The following FYTTD1 variants were observed in gnomAD, a reference collection of about 807,000 sequenced individuals.
FYTTD1 encodes the protein forty-two-three domain containing 1, also known as UAP56-interacting factor.
Under a neutral mutation model 40.9 loss-of-function variants are expected in FYTTD1, and 22 were observed. That is an observed-to-expected ratio of 0.54 (90% CI 0.38 to 0.77). FYTTD1 has a LOEUF of 0.77. FYTTD1 is among the 30% of genes least tolerant of loss of function. FYTTD1 has a pLI of 0.00. For missense variants in FYTTD1, 351 were observed against 392.2 expected (o/e 0.90, Z 0.89); for synonymous variants, 140 against 137.9 (o/e 1.01, Z -0.10).
intron 2 of FYTTD1, among the ~76,000 whole-genome samples, chr3:197,768,214 CAT>C (rs1387569131): frequency 6.6e-6 from 1 of 152,176 alleles, no homozygotes; most frequent in Non-Finnish European, 1.5e-5. Flanking sequence ...CCAGAGGCAA[CAT>C]GTGAGAATCC....
At chr3:197,781,184 C>T (rs747814744) in intron 8 of FYTTD1, among the ~76,000 whole-genome samples, 4 of 151,742 alleles carry the variant, frequency 2.6e-5, no homozygotes, top group African/African-American at 4.8e-5. Flanking sequence ...TGTGGTAGCA[C>T]GTGCCTGTAA....
At chr3:197,752,159 C>CGGCCA (rs1395934026) in intron 1 of FYTTD1, among the ~76,000 whole-genome samples, 1 of 152,208 alleles carries the variant, frequency 6.6e-6, no homozygotes, top group Non-Finnish European at 1.5e-5. Context: ...CCGCCGCACC[C>CGGCCA]GGCCAGCATT....
At chr3:197,764,294 T>C (rs1471600730) in intron 2 of FYTTD1, among the ~76,000 whole-genome samples, 1 of 152,226 alleles carries the variant, frequency 6.6e-6, no homozygotes, top group Non-Finnish European at 1.5e-5. Flanking sequence ...ACATTTTTCT[T>C]ACTTTATGTA....
At chr3:197,764,317 A>G (rs964669534) in intron 2 of FYTTD1, among the ~76,000 whole-genome samples, 2 of 152,194 alleles carry the variant, frequency 1.3e-5, no homozygotes, top group Admixed American at 6.6e-5. Context: ...GTGACAATGA[A>G]AGGGTAAAGA....
rs1730131657 is a variant in FYTTD1, at chr3:197,785,345, A to G, written c.*3436A>G. The G allele has an allele frequency of 6.6e-6, 1 of 152,150 alleles. No individual in the cohort carries two copies. 9.4% of individuals were successfully genotyped at this position (152,150 alleles called of 1,614,324 possible). On this transcript the variant is annotated 3_prime_UTR_variant, in exon 9 of 9. Transcript: ENST00000241502. ...AAAAGTTGGCCCACTGTGTACATGG[A>G]TTTTCCATTCCAAGATGTTTTTTTG...
chr3:197,775,468 A>G (rs1293887941), intron 6 of FYTTD1, among the ~76,000 whole-genome samples: 1 of 151,778 alleles, frequency 6.6e-6, no homozygotes, highest in Admixed American at 6.6e-5. Context: ...TCGGCCCTCC[A>G]TATCCGCGGA....
chr3:197,750,563 G>C, intron 1 of FYTTD1: 4 of 985,448 alleles, frequency 4.1e-6, no homozygotes, highest in Non-Finnish European at 3.6e-6. Flanking sequence ...AGCGCTTCCG[G>C]AGCTTTCCCT....
intron 2 of FYTTD1, among the ~76,000 whole-genome samples, chr3:197,760,737 C>T (rs1729358799): frequency 6.6e-6 from 1 of 151,276 alleles, no homozygotes; most frequent in Non-Finnish European, 1.5e-5. Context: ...GAGTGTTCTT[C>T]AGTGGTAGAA....
chr3:197,759,393 G>T (rs540135137), intron 2 of FYTTD1, among the ~76,000 whole-genome samples: 1 of 151,916 alleles, frequency 6.6e-6, no homozygotes, highest in Admixed American at 6.5e-5. Flanking sequence ...GTGGTAGAAC[G>T]TATAGAGTTG....
chr3:197,772,595 G>A (rs1365141130), intron 4 of FYTTD1, among the ~76,000 whole-genome samples: 2 of 152,104 alleles, frequency 1.3e-5, no homozygotes, highest in African/African-American at 2.4e-5. Flanking sequence ...ACAAGAAATA[G>A]AAGAGTATAA....
chr3:197,749,834 C>A, upstream of FYTTD1: 1 of 515,402 alleles, frequency 1.9e-6, no homozygotes, highest in Non-Finnish European at 3.2e-6. Context: ...GCCCCGCCCG[C>A]AGCCGCGGGT....
intron 3 of FYTTD1, 124 bp from the exon 4 acceptor site, chr3:197,770,008 G>A (rs761777001): frequency 9.4e-5 from 59 of 625,484 alleles, no homozygotes; most frequent in South Asian, 4.8e-4. Context: ...TTGTTTCTCC[G>A]TCTCCCTTAT....
In FYTTD1 at chr3:197,777,033, T is replaced by C. The variant is rs189070195; in HGVS notation, c.731+32T>C. ...TGTTTCTTTCTTTTTGCAAAAATTA[T>C]AACCTCTCATTACATGAGATCATAA... On this transcript the variant is annotated intron_variant, in intron 7 of 8. Coordinates refer to ENST00000241502, the MANE Select transcript of FYTTD1 (RefSeq NM_032288.7). 1,685 of 1,286,296 alleles carry C rather than the reference T, an allele frequency of 1.3e-3. 3 individuals are homozygous for C. The highest frequency in any genetic ancestry group is 1.6e-3 in the Non-Finnish European group (1,445 of 891,380). The allele number at this position is 1,286,296 out of a possible 1,614,324, so 79.7% of individuals were successfully genotyped here. A position where few individuals can be genotyped will look rare whatever the true frequency, so the allele number is the denominator to read the frequency against.
intron 7 of FYTTD1, 69 bp downstream of exon 7, chr3:197,777,070 AC>A: frequency 1.1e-6 from 1 of 926,258 alleles, no homozygotes; most frequent in Non-Finnish European, 1.7e-6. Flanking sequence ...AAAGTATTGG[AC>A]TTCTGCTCAG....
rs1321692011 is a variant in FYTTD1, at chr3:197,782,880, G to A, written c.*971G>A. ...TAAAGTCCTAGACTTCTTATTTGAAGTTAAAATTTCTTATTTGAAAAGTTG... is the reference window on the plus strand; with the variant it reads ...TAAAGTCCTAGACTTCTTATTTGAAATTAAAATTTCTTATTTGAAAAGTTG... On this transcript the variant is annotated 3_prime_UTR_variant, in exon 9 of 9. Coordinates refer to ENST00000241502, the MANE Select transcript of FYTTD1 (RefSeq NM_032288.7). 1 of 152,542 alleles carries A rather than the reference G, an allele frequency of 6.6e-6. No homozygotes were observed. Among genetic ancestry groups the A allele is most frequent in the Non-Finnish European group, 1.5e-5 (1 of 68,032 alleles). The allele number at this position is 152,542 out of a possible 1,614,324, so 9.4% of individuals were successfully genotyped here.
rs948333135 is a variant in FYTTD1 at position 197,768,264 on chromosome 3, T to C, written c.236-175T>C. On this transcript the variant is annotated intron_variant, in intron 2 of 8. Transcript: ENST00000241502. ...GAGTCCAGTATAGCCACAGAACCCT[T>C]CCCAATGCAGCAGATTGCCTTTTTA... 4.9e-4 allele frequency among the ~76,000 whole-genome samples: 74 copies of C among 152,170 alleles called. 2 individuals carry two copies. The highest frequency in any genetic ancestry group is 8.8e-5 in the Non-Finnish European group (6 of 68,028).
intron 1 of FYTTD1, among the ~76,000 whole-genome samples, chr3:197,752,485 T>A (rs1279224778): frequency 6.6e-6 from 1 of 152,236 alleles, no homozygotes; most frequent in African/African-American, 2.4e-5. Flanking sequence ...TCTGTATGTA[T>A]GCTTTTATTT....
In FYTTD1 at chr3:197,783,319, T is replaced by C. The variant is rs1303000147; in HGVS notation, c.*1410T>C. ...TAAATAGGTGTTAGTTTCTCAGGAG[T>C]AGATTGTTAGTGTTGACTTTTCCTG... On this transcript the variant is annotated 3_prime_UTR_variant, in exon 9 of 9. Coordinates refer to ENST00000241502, the MANE Select transcript of FYTTD1 (RefSeq NM_032288.7). The C allele has an allele frequency of 6.6e-6, 1 of 152,490 alleles. No homozygotes were observed. The highest frequency in any genetic ancestry group is 6.6e-5 in the Admixed American group (1 of 15,264). The allele number at this position is 152,490 out of a possible 1,614,324, so 9.4% of individuals were successfully genotyped here.
chr3:197,773,072 A>G (rs1034933208), intron 4 of FYTTD1, among the ~76,000 whole-genome samples: 2 of 152,166 alleles, frequency 1.3e-5, no homozygotes, highest in African/African-American at 2.4e-5. Context: ...TAATCCTATA[A>G]ATTGTAAAGT....
Sources: allele counts gnomAD v4.1 joint callset (sites outside exome capture counted in the v4.1 genomes callset), GRCh38; gene constraint gnomAD v4.1.1; transcripts MANE v1.5; gene names NCBI Gene and HGNC (gene_info 2026-07-23, HGNC 2026-07-21).